Variants in OSBPL9 observed in about 807,000 individuals in gnomAD.
The protein encoded by OSBPL9 is oxysterol-binding protein-related protein 9.
Under a neutral mutation model 106.6 loss-of-function variants are expected in OSBPL9, and 40 were observed. The observed-to-expected ratio is 0.38, with a 90% CI of 0.29 to 0.49. The LOEUF (loss-of-function observed/expected upper bound fraction) is 0.49. Among genes scored for constraint, OSBPL9 ranks in the 20% least tolerant of loss-of-function variants. The pLI, the probability that OSBPL9 is intolerant of heterozygous loss-of-function variation, is 0.97. For synonymous variants in OSBPL9, 269 were observed against 295.4 expected, an observed-to-expected ratio of 0.91 and a Z score of 0.92; for missense variants, 609 against 887.2, an observed-to-expected ratio of 0.69 and a Z score of 3.98.
intron 2 of OSBPL9, among the ~76,000 whole-genome samples, chr1:51,654,669 A>T (rs1557645341): frequency 6.6e-6 from 1 of 152,208 alleles, no homozygotes; most frequent in Admixed American, 6.5e-5. Context: ...GTGGCCATCC[A>T]CTGATGAATG....
chr1:51,692,878 G>A (rs551561195), intron 3 of OSBPL9, among the ~76,000 whole-genome samples: 4 of 152,132 alleles, frequency 2.6e-5, no homozygotes, highest in South Asian at 2.1e-4. Context: ...GTATATGTTA[G>A]AAGGGATAAG....
intron 3 of OSBPL9, among the ~76,000 whole-genome samples, chr1:51,674,211 G>C (rs947140370): frequency 6.6e-6 from 1 of 151,384 alleles, no homozygotes; most frequent in African/African-American, 2.4e-5. Context: ...AAAAAAATTA[G>C]CCTGCACCAC....
At chr1:51,774,945 C>T (rs1674719364) in intron 14 of OSBPL9, among the ~76,000 whole-genome samples, 12 of 151,818 alleles carry the variant, frequency 7.9e-5, no homozygotes, top group Admixed American at 7.9e-4. Flanking sequence ...TTCCTTTGTC[C>T]ATTTATCTAC....
chr1:51,630,498 T>C (rs1288632647), intron 1 of OSBPL9, among the ~76,000 whole-genome samples: 2 of 152,110 alleles, frequency 1.3e-5, no homozygotes, highest in African/African-American at 2.4e-5. Flanking sequence ...ATAGAAAAGA[T>C]ACAATAAAAA....
At chr1:51,617,292 GTT>G in intron 1 of OSBPL9, 71 bp downstream of exon 1, 1 of 1,457,224 alleles carries the variant, frequency 6.9e-7, no homozygotes, top group Non-Finnish European at 9.3e-7. Flanking sequence ...GGGGACCGGG[GTT>G]TTAGGTGGCT....
intron 1 of OSBPL9, among the ~76,000 whole-genome samples, chr1:51,621,620 A>T (rs560715527): frequency 6.6e-6 from 1 of 152,320 alleles, no homozygotes; most frequent in East Asian, 1.9e-4. Flanking sequence ...CAGTCTGTTC[A>T]ATTTCCTAGA....
the OSBPL9 span, among the ~76,000 whole-genome samples, chr1:51,540,608 A>C: frequency 4.7e-5 from 7 of 150,258 alleles, no homozygotes; most frequent in Non-Finnish European, 8.9e-5. Context: ...GGGCCAAGAT[A>C]GCACCACTGC....
At chr1:51,572,060 G>A in the OSBPL9 span, among the ~76,000 whole-genome samples, 1 of 152,088 alleles carries the variant, frequency 6.6e-6, no homozygotes, top group African/African-American at 2.4e-5. Flanking sequence ...TCTCTACTCT[G>A]GAAATGGTTT....
At chr1:51,685,729 C>T (rs1213230031) in intron 3 of OSBPL9, among the ~76,000 whole-genome samples, 1 of 152,174 alleles carries the variant, frequency 6.6e-6, no homozygotes, top group Non-Finnish European at 1.5e-5. Context: ...TTTTGAACCT[C>T]CTCCATTAAC....
intron 1 of OSBPL9, among the ~76,000 whole-genome samples, chr1:51,580,912 A>G (rs1645216957): frequency 4.9e-3 from 1 of 204 alleles, no homozygotes; most frequent in African/African-American, 0.031. Flanking sequence ...ATATATATAT[A>G]TATATATATA....
At chr1:51,655,338 T>G (rs1410712069) in intron 2 of OSBPL9, among the ~76,000 whole-genome samples, 1 of 152,180 alleles carries the variant, frequency 6.6e-6, no homozygotes, top group East Asian at 1.9e-4. Context: ...TTGTTGGCTG[T>G]CAGTTGTGTT....
intron 4 of OSBPL9, among the ~76,000 whole-genome samples, chr1:51,733,456 G>T (rs569730203): frequency 3.3e-5 from 5 of 152,236 alleles, no homozygotes; most frequent in African/African-American, 9.6e-5. Context: ...CGGGGGATTG[G>T]AAAAATGTTT....
chr1:51,682,930 G>T (rs993707286), intron 3 of OSBPL9, among the ~76,000 whole-genome samples: 3 of 150,574 alleles, frequency 2.0e-5, no homozygotes, highest in African/African-American at 7.3e-5. Flanking sequence ...ATGCTAGAGT[G>T]CAATGGCATG....
chr1:51,577,619 A>G (rs754343591), intron 1 of OSBPL9, among the ~76,000 whole-genome samples: 3 of 152,146 alleles, frequency 2.0e-5, no homozygotes, highest in African/African-American at 2.4e-5. Context: ...GGCGTAATAC[A>G]TTGTCTTTTC....
the OSBPL9 span, among the ~76,000 whole-genome samples, chr1:51,552,928 A>T: frequency 1.3e-5 from 2 of 149,614 alleles, no homozygotes; most frequent in South Asian, 4.3e-4. Context: ...TGGTCTTTCC[A>T]TTTTTTTTTA....
chr1:51,545,044 A>T, the OSBPL9 span, among the ~76,000 whole-genome samples: 2 of 152,110 alleles, frequency 1.3e-5, no homozygotes, highest in East Asian at 3.9e-4. Context: ...GGGTTTCACC[A>T]TGTTGGCCAG....
At chr1:51,559,436 T>TAC in the OSBPL9 span, among the ~76,000 whole-genome samples, 1 of 122,052 alleles carries the variant, frequency 8.2e-6, no homozygotes, top group Non-Finnish European at 1.7e-5. Context: ...GACACACACA[T>TAC]ACATACACAC....
intron 3 of OSBPL9, among the ~76,000 whole-genome samples, chr1:51,698,134 G>T (rs754477343): frequency 1.4e-4 from 22 of 152,132 alleles, no homozygotes; most frequent in Non-Finnish European, 2.1e-4. Flanking sequence ...AAAGCTTAGA[G>T]AATTTAAGTA....
the OSBPL9 span, among the ~76,000 whole-genome samples, chr1:51,547,579 T>C: frequency 6.6e-6 from 1 of 152,038 alleles, no homozygotes; most frequent in Non-Finnish European, 1.5e-5. Context: ...GCACGGTGGT[T>C]CACCTGTGAA....
Sources: allele counts gnomAD v4.1 joint callset (sites outside exome capture counted in the v4.1 genomes callset), GRCh38; gene constraint gnomAD v4.1.1; transcripts MANE v1.5; gene names NCBI Gene and HGNC (gene_info 2026-07-23, HGNC 2026-07-21).